The following CDH13 variants were observed in gnomAD, a reference collection of about 807,000 sequenced individuals.
CDH13 encodes cadherin 13.
Under a neutral mutation model 63.8 loss-of-function variants are expected in CDH13, and 24 were observed. The ratio of observed to expected loss-of-function variants is 0.38; its 90% CI spans 0.27 to 0.53. The LOEUF is 0.53. Among genes scored for constraint, CDH13 ranks in the 20% least tolerant of loss-of-function variants. CDH13 has a pLI of 0.85. For missense variants in CDH13, 1,049 were observed against 903.1 expected, an observed-to-expected ratio of 1.16 and a Z score of -2.07; for synonymous variants, 503 against 355.3, an observed-to-expected ratio of 1.42 and a Z score of -4.67.
intron 3 of CDH13, among the ~76,000 whole-genome samples, chr16:83,052,512 G>A (rs566931723): frequency 6.6e-6 from 1 of 152,230 alleles, no homozygotes; most frequent in South Asian, 2.1e-4. Context: ...TGTTGTGGTG[G>A]CTCACGCCTG....
intron 5 of CDH13, among the ~76,000 whole-genome samples, chr16:83,299,061 C>G (rs938603581): frequency 2.0e-5 from 3 of 152,228 alleles, no homozygotes; most frequent in Non-Finnish European, 4.4e-5. Flanking sequence ...AGTATATCTC[C>G]TTTCAGACAT....
chr16:83,669,807 T>C (rs1306328062), intron 8 of CDH13, among the ~76,000 whole-genome samples: 1 of 152,252 alleles, frequency 6.6e-6, no homozygotes, highest in African/African-American at 2.4e-5. Context: ...TTCCTACTAA[T>C]TGAAATTCCA....
At chr16:82,783,582 AGT>A (rs2035867186) in intron 1 of CDH13, among the ~76,000 whole-genome samples, 1 of 152,232 alleles carries the variant, frequency 6.6e-6, no homozygotes, top group African/African-American at 2.4e-5. Context: ...AAATGTGTGC[AGT>A]GATTCTTTTC....
chr16:83,328,286 A>T (rs2090411072), intron 5 of CDH13, among the ~76,000 whole-genome samples: 1 of 152,186 alleles, frequency 6.6e-6, no homozygotes, highest in Non-Finnish European at 1.5e-5. Flanking sequence ...AGAATTTATG[A>T]GTGAGATTAA....
intron 10 of CDH13, among the ~76,000 whole-genome samples, chr16:83,738,532 C>T (rs1382743106): frequency 2.0e-5 from 3 of 152,200 alleles, no homozygotes; most frequent in African/African-American, 7.2e-5. Flanking sequence ...GTTGGAGCCA[C>T]CCCCTACCAC....
intron 3 of CDH13, among the ~76,000 whole-genome samples, chr16:83,053,350 T>A (rs1339554488): frequency 6.6e-6 from 1 of 152,182 alleles, no homozygotes; most frequent in Non-Finnish European, 1.5e-5. Context: ...TTCTTTCTTT[T>A]TTGGCTTTCT....
At chr16:82,796,038 C>T (rs1369039504) in intron 1 of CDH13, among the ~76,000 whole-genome samples, 1 of 151,590 alleles carries the variant, frequency 6.6e-6, no homozygotes, top group Non-Finnish European at 1.5e-5. Flanking sequence ...CTAATGGACC[C>T]AACAGATGAG....
intron 1 of CDH13, among the ~76,000 whole-genome samples, chr16:82,638,525 ATTAC>A (rs1304301101): frequency 2.0e-5 from 3 of 152,268 alleles, no homozygotes; most frequent in African/African-American, 7.2e-5. Flanking sequence ...TGTTGGTTGT[ATTAC>A]TTTTCACCCT....
chr16:83,212,573 G>C (rs1329400193), intron 4 of CDH13, among the ~76,000 whole-genome samples: 1 of 152,154 alleles, frequency 6.6e-6, no homozygotes, highest in Non-Finnish European at 1.5e-5. Flanking sequence ...TCCTGTTAGT[G>C]TTATATGTTT....
intron 10 of CDH13, among the ~76,000 whole-genome samples, chr16:83,708,358 C>T (rs971988822): frequency 6.6e-5 from 10 of 152,210 alleles, no homozygotes; most frequent in Non-Finnish European, 1.0e-4. Flanking sequence ...TGGCATTAGC[C>T]AGAGGAGGTA....
chr16:83,600,817 C>T (rs1454885565), intron 7 of CDH13, among the ~76,000 whole-genome samples: 1 of 152,144 alleles, frequency 6.6e-6, no homozygotes, highest in Non-Finnish European at 1.5e-5. Context: ...GCGGGTCTGG[C>T]TTCAGGAGTG....
intron 11 of CDH13, among the ~76,000 whole-genome samples, chr16:83,762,671 G>T (rs933913666): frequency 1.3e-5 from 2 of 152,324 alleles, no homozygotes; most frequent in African/African-American, 2.4e-5. Flanking sequence ...ATCGTTGGCC[G>T]CTGCTTCTTG....
intron 8 of CDH13, among the ~76,000 whole-genome samples, chr16:83,624,031 G>A (rs1007301479): frequency 3.3e-5 from 5 of 152,148 alleles, no homozygotes; most frequent in Admixed American, 6.5e-5. Context: ...GGGAGGTTCC[G>A]GGGCTTTCCA....
At position 83,795,921 on chromosome 16, in the gene CDH13, C is replaced by T. The variant is rs1048613; in HGVS notation, c.*891C>T. ...TCAGTAAATGTACAACTGCACCTGT[C>T]ATCATGGAGGTCATACATGCATACA... On this transcript the variant is annotated 3_prime_UTR_variant, in exon 14 of 14. Coordinates refer to ENST00000567109, the MANE Select transcript of CDH13 (RefSeq NM_001257.5). 13,258 of 152,692 alleles carry T rather than the reference C, an allele frequency of 0.087. 1,528 individuals are homozygous for T. The highest frequency in any genetic ancestry group is 0.26 in the African/African-American group (10,989 of 41,490). 9.5% of individuals were successfully genotyped at this position (152,692 alleles called of 1,614,324 possible).
At chr16:82,799,813 A>AT (rs2036762987) in intron 1 of CDH13, among the ~76,000 whole-genome samples, 1 of 152,176 alleles carries the variant, frequency 6.6e-6, no homozygotes, top group African/African-American at 2.4e-5. Context: ...CAAAGTGTAG[A>AT]TTTTTTATTT....
At chr16:83,004,592 G>T in intron 2 of CDH13, among the ~76,000 whole-genome samples, 1 of 152,082 alleles carries the variant, frequency 6.6e-6, no homozygotes, top group East Asian at 1.9e-4. Flanking sequence ...GTGCCTCCCA[G>T]GTTCAAGCGA....
At chr16:83,205,891 C>T (rs547797653) in intron 4 of CDH13, among the ~76,000 whole-genome samples, 259 of 152,166 alleles carry the variant, frequency 1.7e-3, no homozygotes, top group African/African-American at 5.8e-3. Context: ...GTGTGAGCCA[C>T]GGTGCCCGGC....
chr16:82,751,092 C>G (rs142272932), intron 1 of CDH13, among the ~76,000 whole-genome samples: 1 of 152,256 alleles, frequency 6.6e-6, no homozygotes, highest in East Asian at 1.9e-4. Context: ...ATCCAGTTCC[C>G]TATTTAATCA....
chr16:82,885,168 A>G (rs906217993), intron 2 of CDH13, among the ~76,000 whole-genome samples: 1 of 152,208 alleles, frequency 6.6e-6, no homozygotes, highest in Non-Finnish European at 1.5e-5. Context: ...AATGCATGAT[A>G]GTATATTATG....
Sources: gnomAD v4.1 joint callset for allele counts (sites outside exome capture counted in the v4.1 genomes callset) on GRCh38, gnomAD v4.1.1 for gene constraint, MANE v1.5 for transcripts, NCBI Gene and HGNC (gene_info 2026-07-23, HGNC 2026-07-21) for gene names.